Variants in SNTG1 observed in about 807,000 individuals in gnomAD.
SNTG1 encodes the protein gamma-1-syntrophin.
SNTG1 carries 39 observed loss-of-function variants against 74.7 expected under a neutral mutation model. The observed-to-expected ratio is 0.52, with a 90% CI of 0.40 to 0.68. SNTG1 has a LOEUF of 0.68. Among genes scored for constraint, SNTG1 ranks in the 30% least tolerant of loss-of-function variants. The pLI, the probability that SNTG1 is intolerant of heterozygous loss-of-function variation, is 0.00. For missense variants in SNTG1, 685 were observed against 609.5 expected, an observed-to-expected ratio of 1.12 and a Z score of -1.30; for synonymous variants, 254 against 217.1, an observed-to-expected ratio of 1.17 and a Z score of -1.49.
intron 12 of SNTG1, among the ~76,000 whole-genome samples, chr8:50,578,690 G>A (rs750874814): frequency 2.6e-5 from 4 of 152,110 alleles, no homozygotes; most frequent in Non-Finnish European, 1.5e-5. Context: ...GACTTTATAA[G>A]GGGCTTTTCC....
chr8:50,528,265 G>A (rs917590071), intron 9 of SNTG1, among the ~76,000 whole-genome samples: 1 of 151,802 alleles, frequency 6.6e-6, no homozygotes, highest in Non-Finnish European at 1.5e-5. Context: ...TTAGGGTATC[G>A]GATATAGGTT....
intron 4 of SNTG1, among the ~76,000 whole-genome samples, chr8:50,434,792 T>C (rs1000114175): frequency 6.6e-6 from 1 of 152,184 alleles, no homozygotes; most frequent in Admixed American, 6.5e-5. Context: ...TCCTCAGTTG[T>C]CAAAAAGAAC....
At chr8:50,038,414 C>T (rs1483693892) in intron 1 of SNTG1, among the ~76,000 whole-genome samples, 1 of 152,112 alleles carries the variant, frequency 6.6e-6, no homozygotes, top group Admixed American at 6.5e-5. Flanking sequence ...GACTGAGTGT[C>T]GTCACAAGCA....
intron 18 of SNTG1, among the ~76,000 whole-genome samples, chr8:50,781,238 A>G (rs1012718244): frequency 6.6e-6 from 1 of 152,176 alleles, no homozygotes; most frequent in Non-Finnish European, 1.5e-5. Flanking sequence ...TGCAGAGCTG[A>G]GTTCAATTCC....
chr8:50,564,558 C>T (rs1175352464), intron 12 of SNTG1, among the ~76,000 whole-genome samples: 1 of 152,026 alleles, frequency 6.6e-6, no homozygotes, highest in African/African-American at 2.4e-5. Flanking sequence ...GGGATGAAAG[C>T]CCCTCCCTCC....
At chr8:50,385,369 A>G (rs1225032176) in intron 2 of SNTG1, among the ~76,000 whole-genome samples, 1 of 152,166 alleles carries the variant, frequency 6.6e-6, no homozygotes, top group Admixed American at 6.5e-5. Flanking sequence ...CAACTGCAAC[A>G]ACCTATTCTT....
At chr8:49,924,974 A>G (rs979060864) in intron 1 of SNTG1, among the ~76,000 whole-genome samples, 4 of 150,918 alleles carry the variant, frequency 2.7e-5, no homozygotes, top group African/African-American at 9.8e-5. Context: ...ACAAAGTGAG[A>G]CCCCCCCATC....
chr8:50,049,012 C>G (rs140527071), intron 1 of SNTG1, among the ~76,000 whole-genome samples: 1 of 151,354 alleles, frequency 6.6e-6, no homozygotes, highest in Admixed American at 6.6e-5. Flanking sequence ...GTTAAAAAAA[C>G]TATAATTGGT....
intron 2 of SNTG1, among the ~76,000 whole-genome samples, chr8:50,320,345 T>TC (rs2090476495): frequency 6.6e-6 from 1 of 152,186 alleles, no homozygotes; most frequent in Non-Finnish European, 1.5e-5. Context: ...TTCTGCCATA[T>TC]CAATTGTAAT....
intron 2 of SNTG1, among the ~76,000 whole-genome samples, chr8:50,339,129 A>G (rs2091241433): frequency 6.6e-6 from 1 of 152,124 alleles, no homozygotes; most frequent in Non-Finnish European, 1.5e-5. Context: ...AGAAGAAACA[A>G]GTGGAGTGAA....
chr8:50,565,690 G>A (rs1043670212), intron 12 of SNTG1, among the ~76,000 whole-genome samples: 6 of 151,910 alleles, frequency 3.9e-5, no homozygotes, highest in Admixed American at 1.3e-4. Context: ...CTCTGCCTTC[G>A]TGGAGCCAAG....
At chr8:50,340,404 G>T (rs1204216055) in intron 2 of SNTG1, among the ~76,000 whole-genome samples, 2 of 151,940 alleles carry the variant, frequency 1.3e-5, no homozygotes, top group African/African-American at 2.4e-5. Flanking sequence ...GAATAGAGAA[G>T]TCAGAAATAG....
intron 2 of SNTG1, among the ~76,000 whole-genome samples, chr8:50,281,447 A>G (rs909839790): frequency 3.3e-5 from 5 of 152,214 alleles, no homozygotes; most frequent in African/African-American, 1.2e-4. Context: ...CTATCCACAC[A>G]TGAGCTGTTG....
At chr8:50,294,891 G>A (rs1307877537) in intron 2 of SNTG1, among the ~76,000 whole-genome samples, 1 of 152,078 alleles carries the variant, frequency 6.6e-6, no homozygotes, top group African/African-American at 2.4e-5. Flanking sequence ...TGGTTCAGAT[G>A]GCCACTGTCC....
rs570078811 is a variant in SNTG1, at chr8:50,219,641, C to T, written c.-28+47006C>T. Among the ~76,000 whole-genome samples, 8 of 152,160 alleles carry T rather than the reference C, an allele frequency of 5.3e-5. No homozygotes were observed. The East Asian group carries it at 1.5e-3, about 29-fold the overall frequency. On this transcript the variant is annotated intron_variant, in intron 2 of 18. Coordinates refer to ENST00000642720, the MANE Select transcript of SNTG1 (RefSeq NM_018967.5). The stretch of plus-strand genomic sequence containing the variant: ...GAAGAGAGAGAAACGGGATGTGCTA[C>T]ACAGTTTTAAACAACAAAATCTCAT...
At chr8:50,617,665 C>T (rs956824796) in intron 13 of SNTG1, among the ~76,000 whole-genome samples, 5 of 152,200 alleles carry the variant, frequency 3.3e-5, no homozygotes, top group African/African-American at 1.2e-4. Flanking sequence ...ATCCCTGTCC[C>T]TTTTAAGGGC....
At chr8:50,303,301 A>G (rs936152269) in intron 2 of SNTG1, among the ~76,000 whole-genome samples, 1 of 152,112 alleles carries the variant, frequency 6.6e-6, no homozygotes, top group Non-Finnish European at 1.5e-5. Flanking sequence ...TCTGAGAGTA[A>G]GGGTGTTTTT....
At chr8:50,650,682 A>G (rs2095139391) in intron 13 of SNTG1, among the ~76,000 whole-genome samples, 1 of 152,122 alleles carries the variant, frequency 6.6e-6, no homozygotes, top group Admixed American at 6.6e-5. Context: ...TCTAAGAATT[A>G]ATATATTTCA....
At chr8:50,669,848 C>T (rs1262046217) in intron 15 of SNTG1, among the ~76,000 whole-genome samples, 1 of 152,168 alleles carries the variant, frequency 6.6e-6, no homozygotes, top group East Asian at 1.9e-4. Context: ...CCACCATGAT[C>T]AAGTGGGCTT....
Sources: gnomAD v4.1 joint callset for allele counts (sites outside exome capture counted in the v4.1 genomes callset) on GRCh38, gnomAD v4.1.1 for gene constraint, MANE v1.5 for transcripts, NCBI Gene and HGNC (gene_info 2026-07-23, HGNC 2026-07-21) for gene names.